TRHDE: variants seen among roughly 807,000 people sequenced by gnomAD.
The protein encoded by TRHDE is thyrotropin releasing hormone degrading enzyme.
Under a neutral mutation model 125.7 loss-of-function variants are expected in TRHDE, and 72 were observed. That is an observed-to-expected ratio of 0.57 (90% CI 0.47 to 0.70). The LOEUF (loss-of-function observed/expected upper bound fraction) is 0.70, where lower values mean the gene tolerates loss of function less well. TRHDE is among the 30% of genes least tolerant of loss of function. The probability of loss-of-function intolerance (pLI) is 0.00; values close to 1 mark genes in which losing one functional copy is unlikely to be tolerated. For synonymous variants in TRHDE, 509 were observed against 509.1 expected (o/e 1.00, Z 0.00); for missense variants, 1,110 against 1,327.1 (o/e 0.84, Z 2.54).
At chr12:72,282,167 C>T (rs964280220) in intron 1 of TRHDE, among the ~76,000 whole-genome samples, 1 of 152,104 alleles carries the variant, frequency 6.6e-6, no homozygotes, top group African/African-American at 2.4e-5. Context: ...AGGAGAATAA[C>T]AGACAACAAA....
At chr12:72,136,846 C>T (rs1367755842) in intron 2 of TRHDE, among the ~76,000 whole-genome samples, 1 of 152,130 alleles carries the variant, frequency 6.6e-6, no homozygotes, top group African/African-American at 2.4e-5. Flanking sequence ...CCTACTGCAG[C>T]GTGTTCTCAG....
chr12:72,126,215 C>A (rs150227293), intron 2 of TRHDE, among the ~76,000 whole-genome samples: 3 of 152,172 alleles, frequency 2.0e-5, no homozygotes, highest in African/African-American at 7.2e-5. Flanking sequence ...TCATAAATGA[C>A]GCAAACGGAA....
chr12:72,097,440 A>ATTTTTTT (rs869290442), intron 1 of TRHDE, among the ~76,000 whole-genome samples: 623 of 21,460 alleles, frequency 0.029, 9 homozygotes, highest in Middle Eastern at 0.077. Flanking sequence ...TTCTCACTGA[A>ATTTTTTT]TTTTTTTTTT....
intron 1 of TRHDE, among the ~76,000 whole-genome samples, chr12:72,098,024 A>G (rs1874975288): frequency 6.6e-6 from 1 of 152,106 alleles, no homozygotes; most frequent in African/African-American, 2.4e-5. Flanking sequence ...TTTTTTATTC[A>G]CAATACTTTA....
chr12:72,139,380 A>C (rs1358340603), intron 2 of TRHDE, among the ~76,000 whole-genome samples: 2 of 152,220 alleles, frequency 1.3e-5, no homozygotes, highest in African/African-American at 4.8e-5. Context: ...TGATTGTAAC[A>C]GTCATACTTG....
In TRHDE at chr12:72,273,569, G is replaced by A. The variant is rs776034359; in HGVS notation, c.914+12G>A. On this transcript the variant is annotated intron_variant, in intron 1 of 18. Transcript: ENST00000261180. The surrounding 1 kb of genome is among the most constrained non-coding windows in gnomAD (Gnocchi z 5.3). ...CACGGGGAGAGAAGGTATGGAGGGAGGCGGTGCCCCGCGCTGCCCCACCCC... is the reference window on the plus strand; with the variant it reads ...CACGGGGAGAGAAGGTATGGAGGGAAGCGGTGCCCCGCGCTGCCCCACCCC... The A allele has an allele frequency of 6.4e-7, 1 of 1,572,668 alleles. No individual in the cohort carries two copies. The highest frequency in any genetic ancestry group is 1.1e-5 in the South Asian group (1 of 89,136).
At chr12:72,282,563 G>C (rs1193587411) in intron 1 of TRHDE, among the ~76,000 whole-genome samples, 2 of 152,150 alleles carry the variant, frequency 1.3e-5, no homozygotes, top group South Asian at 2.1e-4. Flanking sequence ...TTAGAAAAAA[G>C]AGTATCAAGG....
chr12:72,541,323 A>C (rs1241768914), intron 6 of TRHDE, among the ~76,000 whole-genome samples: 9 of 151,558 alleles, frequency 5.9e-5, no homozygotes, highest in African/African-American at 1.2e-4. Flanking sequence ...TATATTTTAC[A>C]TGAAGATTTG....
At chr12:72,620,517 C>T (rs1293760665) in intron 13 of TRHDE, among the ~76,000 whole-genome samples, 3 of 151,540 alleles carry the variant, frequency 2.0e-5, no homozygotes, top group African/African-American at 7.3e-5. Flanking sequence ...GAGTGGAGAC[C>T]CTGTCTAAAA....
At chr12:72,610,522 T>G (rs1040766785) in intron 12 of TRHDE, among the ~76,000 whole-genome samples, 28 of 152,264 alleles carry the variant, frequency 1.8e-4, no homozygotes, top group Non-Finnish European at 3.7e-4. Context: ...CTCAAAAACT[T>G]GCGGTGGCTT....
At chr12:72,391,331 A>G (rs532922897) in intron 3 of TRHDE, among the ~76,000 whole-genome samples, 54 of 152,278 alleles carry the variant, frequency 3.5e-4, no homozygotes, top group African/African-American at 1.3e-3. Context: ...AGAGGTTGCA[A>G]TACACAAGCG....
At chr12:72,148,488 T>C (rs116686375) in intron 2 of TRHDE, among the ~76,000 whole-genome samples, 1,845 of 152,314 alleles carry the variant, frequency 0.012, 32 homozygotes, top group African/African-American at 0.042. Flanking sequence ...TGTGAACTAA[T>C]TGGCAACACT....
At chr12:72,500,117 A>G (rs1878085484) in intron 6 of TRHDE, among the ~76,000 whole-genome samples, 1 of 152,212 alleles carries the variant, frequency 6.6e-6, no homozygotes, top group African/African-American at 2.4e-5. Context: ...ATAACTAAGC[A>G]TAACAAAAGA....
At position 72,371,469 on chromosome 12, in the gene TRHDE, C is replaced by T. The variant is rs183749711; in HGVS notation, c.1189-6526C>T. Reference sequence around the variant, plus strand: ...GGTTAGTTATATATGTATACATGTGCCATGCTGGTGTGCTGCACCCATTAA... The same window carrying T: ...GGTTAGTTATATATGTATACATGTGTCATGCTGGTGTGCTGCACCCATTAA... On this transcript the variant is annotated intron_variant, in intron 2 of 18. Coordinates refer to ENST00000261180, the MANE Select transcript of TRHDE (RefSeq NM_013381.3). Among the ~76,000 whole-genome samples, 235 of 151,484 alleles carry T rather than the reference C, an allele frequency of 1.6e-3. 1 individual carries two copies. Among genetic ancestry groups the T allele is most frequent in the Middle Eastern group, 3.4e-3 (1 of 294 alleles).
At chr12:72,310,100 G>C (rs529599403) in intron 2 of TRHDE, among the ~76,000 whole-genome samples, 3 of 152,294 alleles carry the variant, frequency 2.0e-5, no homozygotes, top group East Asian at 3.9e-4. Context: ...ACCATAGTTC[G>C]TGGTGCTGGG....
At chr12:72,373,554 C>G (rs985147317) in intron 2 of TRHDE, among the ~76,000 whole-genome samples, 2 of 151,982 alleles carry the variant, frequency 1.3e-5, no homozygotes, top group African/African-American at 2.4e-5. Context: ...TAGCAAGAAG[C>G]AAAATGAATA....
chr12:72,499,942 A>G (rs1328161593), intron 6 of TRHDE, among the ~76,000 whole-genome samples: 2 of 152,202 alleles, frequency 1.3e-5, no homozygotes, highest in African/African-American at 4.8e-5. Context: ...TTTTATTATT[A>G]TTAATAAGAG....
At chr12:72,199,289 A>C (rs764956262) in intron 2 of TRHDE, among the ~76,000 whole-genome samples, 4 of 152,148 alleles carry the variant, frequency 2.6e-5, no homozygotes, top group Admixed American at 6.5e-5. Context: ...AAAAAAAAAC[A>C]GCTTAAATAT....
chr12:72,430,472 CA>C (rs1158562357), intron 3 of TRHDE, among the ~76,000 whole-genome samples: 1 of 147,918 alleles, frequency 6.8e-6, no homozygotes, highest in African/African-American at 2.5e-5. Context: ...TATATACACA[CA>C]TATATATATA....
Sources: gnomAD v4.1 joint callset for allele counts (sites outside exome capture counted in the v4.1 genomes callset) on GRCh38, gnomAD v4.1.1 for gene constraint, Gnocchi (gnomAD v3.1) non-coding constraint, MANE v1.5 for transcripts, NCBI Gene and HGNC (gene_info 2026-07-23, HGNC 2026-07-21) for gene names.